Variants in LIPI observed in about 807,000 individuals in gnomAD.
LIPI encodes the protein lipase I.
A neutral mutation model predicts 50.6 loss-of-function variants in LIPI; 59 were observed. That is an observed-to-expected ratio of 1.16 (90% CI 0.94 to 1.45). The LOEUF (loss-of-function observed/expected upper bound fraction) is 1.45, where lower values mean the gene tolerates loss of function less well. Among genes scored for constraint, LIPI ranks in the 40% most tolerant of loss-of-function variants. LIPI has a pLI of 0.00. For synonymous variants in LIPI, 203 were observed against 178.2 expected (o/e 1.14, Z -1.11); for missense variants, 586 against 536.3 (o/e 1.09, Z -0.92).
At chr21:14,168,907 C>A (rs1303360935) in intron 4 of LIPI, among the ~76,000 whole-genome samples, 1 of 151,420 alleles carries the variant, frequency 6.6e-6, no homozygotes, top group Non-Finnish European at 1.5e-5. Context: ...AATTAAAAGA[C>A]ACAGACTGGC....
chr21:14,155,238 G>C (rs746475136), intron 7 of LIPI, among the ~76,000 whole-genome samples: 41 of 152,036 alleles, frequency 2.7e-4, no homozygotes, highest in Middle Eastern at 3.4e-3. Context: ...ATAGTGAGTA[G>C]AGATAATAAA....
chr21:14,139,698 A>T (rs2017635004), intron 9 of LIPI, among the ~76,000 whole-genome samples: 1 of 152,196 alleles, frequency 6.6e-6, no homozygotes, highest in Admixed American at 6.5e-5. Flanking sequence ...ATAGTGGAAG[A>T]GCTGCTGCTC....
intron 4 of LIPI, among the ~76,000 whole-genome samples, chr21:14,170,012 T>G (rs984057123): frequency 2.6e-5 from 4 of 151,530 alleles, no homozygotes; most frequent in African/African-American, 9.7e-5. Flanking sequence ...ATAGATGCAA[T>G]AAAAAATGAA....
chr21:14,167,693 T>A (rs988832851), intron 4 of LIPI, among the ~76,000 whole-genome samples: 48 of 152,112 alleles, frequency 3.2e-4, no homozygotes, highest in African/African-American at 1.2e-3. Context: ...AGAAAGGACA[T>A]CCACACCAAA....
intron 1 of LIPI, among the ~76,000 whole-genome samples, chr21:14,208,380 C>A (rs544218101): frequency 4.1e-4 from 62 of 152,290 alleles, no homozygotes; most frequent in African/African-American, 1.4e-3. Flanking sequence ...AAAATAACTT[C>A]ATTTTATTCT....
intron 1 of LIPI, among the ~76,000 whole-genome samples, chr21:14,191,713 G>A (rs143981278): frequency 3.9e-5 from 6 of 152,248 alleles, no homozygotes; most frequent in African/African-American, 9.6e-5. Context: ...TAAGTGGGGT[G>A]ACTTGTTCCA....
intron 7 of LIPI, among the ~76,000 whole-genome samples, chr21:14,162,497 G>T (rs2018532920): frequency 6.6e-6 from 1 of 151,778 alleles, no homozygotes; most frequent in Non-Finnish European, 1.5e-5. Context: ...TGGGTGCATT[G>T]TATCAATGTC....
At chr21:14,208,245 G>T (rs2020277271) in intron 1 of LIPI, among the ~76,000 whole-genome samples, 1 of 152,134 alleles carries the variant, frequency 6.6e-6, no homozygotes, top group Non-Finnish European at 1.5e-5. Flanking sequence ...ATTACTCCAA[G>T]GTGGTCTGCG....
intron 7 of LIPI, among the ~76,000 whole-genome samples, chr21:14,156,128 G>T (rs759361357): frequency 6.6e-6 from 1 of 151,904 alleles, no homozygotes; most frequent in Non-Finnish European, 1.5e-5. Flanking sequence ...AATTGTTGTA[G>T]GCCTCCCCAA....
chr21:14,132,981 G>A (rs2017351771), intron 9 of LIPI, among the ~76,000 whole-genome samples: 1 of 151,908 alleles, frequency 6.6e-6, no homozygotes, highest in African/African-American at 2.4e-5. Context: ...GACCAAAAAT[G>A]AGTAGCAAGA....
intron 4 of LIPI, among the ~76,000 whole-genome samples, chr21:14,176,626 C>T (rs149210398): frequency 6.7e-6 from 1 of 149,494 alleles, no homozygotes; most frequent in East Asian, 2.0e-4. Flanking sequence ...GGATTAAGTG[C>T]ATTAAAGATA....
In LIPI at chr21:14,110,208, G is replaced by A. The variant is rs371512742; in HGVS notation, c.1296-1128C>T. On this transcript the variant is annotated intron_variant, in intron 9 of 9. Coordinates refer to ENST00000681601, the MANE Select transcript of LIPI (RefSeq NM_001302998.2). ...TTTAATCCATATATATTATACCAAAGTACAAAAAATATATAAGCTTCTTTA... is the reference window on the plus strand; with the variant it reads ...TTTAATCCATATATATTATACCAAAATACAAAAAATATATAAGCTTCTTTA... Among the ~76,000 whole-genome samples, 292 of 151,628 alleles carry A rather than the reference G, an allele frequency of 1.9e-3. 1 individual carries two copies. The highest frequency in any genetic ancestry group is 6.3e-3 in the African/African-American group (263 of 41,464).
At chr21:14,128,250 T>G (rs1216823766) in intron 9 of LIPI, among the ~76,000 whole-genome samples, 1 of 152,096 alleles carries the variant, frequency 6.6e-6, no homozygotes, top group Non-Finnish European at 1.5e-5. Flanking sequence ...CAGAATTACA[T>G]ATGAATTAAA....
In LIPI at chr21:14,189,387, G is replaced by C. The variant is rs748102069; in HGVS notation, c.79C>G (p.Leu27Val). ...TCTCTGAAGGAATCCTTTACACTTA[G>C]CTGAGAGAATTCAAGGCATGGTCTT... is the stretch of plus-strand genomic sequence containing the variant. Reference protein sequence around the residue: ...NKRPCLEFSQLSVKDSFRDLF... With the variant: ...NKRPCLEFSQVSVKDSFRDLF... Residue 27 changes from leucine (L) to valine (V), a missense_variant, in exon 2 of 10, where the codon CTA (leucine) becomes GTA (valine). Coordinates refer to ENST00000681601, the MANE Select transcript of LIPI (RefSeq NM_001302998.2). 6.2e-7 allele frequency: 1 copy of C among 1,612,608 alleles called. No homozygotes were observed. Among genetic ancestry groups the C allele is most frequent in the Admixed American group, 1.7e-5 (1 of 59,990 alleles).
At chr21:14,188,106 C>A (rs756037746) in intron 2 of LIPI, among the ~76,000 whole-genome samples, 8 of 152,084 alleles carry the variant, frequency 5.3e-5, no homozygotes, top group Non-Finnish European at 1.0e-4. Context: ...TCTCAAGTAC[C>A]CACAACTACC....
At chr21:14,148,500 A>T (rs931707369) in intron 8 of LIPI, among the ~76,000 whole-genome samples, 3 of 152,106 alleles carry the variant, frequency 2.0e-5, no homozygotes, top group Non-Finnish European at 4.4e-5. Flanking sequence ...ATGACACTAT[A>T]TTTTCACTGT....
rs528424390 is a variant in LIPI, at chr21:14,115,669, G to A, written c.1296-6589C>T. Among the ~76,000 whole-genome samples the A allele has an allele frequency of 2.0e-4, 30 of 152,202 alleles. 2 individuals carry two copies. Among genetic ancestry groups the A allele is most frequent in the South Asian group, 1.5e-3 (7 of 4,824 alleles). On this transcript the variant is annotated intron_variant, in intron 9 of 9. Transcript: ENST00000681601. ...AGCCCAGAAGGAGAACGGTTTTCCC[G>A]TGTCTTGGAGCCTTCCCTTGACAGT...
chr21:14,128,309 A>G (rs1417955197), intron 9 of LIPI, among the ~76,000 whole-genome samples: 1 of 152,088 alleles, frequency 6.6e-6, no homozygotes, highest in Non-Finnish European at 1.5e-5. Flanking sequence ...TTCTTATTGA[A>G]AAAGCTGTTA....
rs75063924 is a variant in LIPI at position 14,121,447 on chromosome 21, C to T, written c.1296-12367G>A. Among the ~76,000 whole-genome samples the T allele has an allele frequency of 3.4e-3, 521 of 152,312 alleles. 7 individuals carry two copies. In the East Asian group the frequency reaches 0.043, roughly 12 times the overall value. ...TATGAGATAGTGTACAGCCGACCAA[C>T]TGCACTTATATCTCAGGTAAAAGGA... On this transcript the variant is annotated intron_variant, in intron 9 of 9. Coordinates refer to ENST00000681601, the MANE Select transcript of LIPI (RefSeq NM_001302998.2).
Sources: gnomAD v4.1 joint callset for allele counts (sites outside exome capture counted in the v4.1 genomes callset) on GRCh38, gnomAD v4.1.1 for gene constraint, MANE v1.5 for transcripts, NCBI Gene and HGNC (gene_info 2026-07-23, HGNC 2026-07-21) for gene names.